The following STAG2 variants were observed in gnomAD, a reference collection of about 807,000 sequenced individuals.
The protein encoded by STAG2 is STAG2 cohesin complex component, also known as cohesin subunit SA-2.
In STAG2, 14 loss-of-function variants were observed where a neutral mutation model predicts 108.1. The observed-to-expected ratio is 0.13, with a 90% CI of 0.09 to 0.20. The LOEUF is 0.20. Ranked by LOEUF, STAG2 falls within the 10% of genes least tolerant of loss-of-function variation. STAG2 has a pLI of 1.00. For synonymous variants in STAG2, 307 were observed against 302.7 expected, an observed-to-expected ratio of 1.01 and a Z score of -0.15; for missense variants, 440 against 940.9, an observed-to-expected ratio of 0.47 and a Z score of 6.96.
At chrX:123,990,807 A>G (rs1039265818) in intron 1 of STAG2, among the ~76,000 whole-genome samples, 2 of 112,011 alleles carry the variant, frequency 1.8e-5, no homozygotes, top group Non-Finnish European at 3.8e-5. Flanking sequence ...TCCATCTCGC[A>G]TAACTCTAAC....
chrX:123,993,897 T>G (rs1226804441), intron 1 of STAG2, among the ~76,000 whole-genome samples: 1 of 111,785 alleles, frequency 8.9e-6, no homozygotes, highest in Non-Finnish European at 1.9e-5. Context: ...TTCCATAATT[T>G]ATTTATTAAA....
At chrX:123,986,843 CA>C (rs1343422287) in intron 1 of STAG2, among the ~76,000 whole-genome samples, 3 of 110,044 alleles carry the variant, frequency 2.7e-5, no homozygotes, top group East Asian at 2.8e-4. Flanking sequence ...TGTTAGTGAA[CA>C]TTTTTTTTTT....
intron 1 of STAG2, among the ~76,000 whole-genome samples, chrX:124,008,001 A>G (rs2056366732): frequency 9.0e-6 from 1 of 111,300 alleles, no homozygotes; most frequent in South Asian, 3.7e-4. Context: ...GACAGGTGAA[A>G]TGCAGTTGAA....
At chrX:124,015,248 A>C (rs1262525002) in intron 1 of STAG2, among the ~76,000 whole-genome samples, 1 of 108,392 alleles carries the variant, frequency 9.2e-6, no homozygotes, top group African/African-American at 3.4e-5. Flanking sequence ...GGCCTCCCAA[A>C]GTGCTGGGAT....
chrX:124,043,711 A>G (rs2057790069), intron 7 of STAG2, among the ~76,000 whole-genome samples: 1 of 111,728 alleles, frequency 9.0e-6, no homozygotes, highest in East Asian at 2.8e-4. Context: ...AAAGGAGTAT[A>G]TAGATACTTT....
chrX:124,089,424 C>T (rs1487644663), intron 30 of STAG2, among the ~76,000 whole-genome samples: 1 of 111,538 alleles, frequency 9.0e-6, no homozygotes, highest in Non-Finnish European at 1.9e-5. Context: ...TAGTCCAATG[C>T]TTAATTAATA....
In STAG2 at chrX:124,051,299, AT is replaced by A. The variant is rs776605182; in HGVS notation, c.1117-9del. The A allele has an allele frequency of 8.5e-7, 1 of 1,178,532 alleles. No individual in the cohort carries two copies. The highest frequency in any genetic ancestry group is 2.5e-5 in the Admixed American group (1 of 40,012). On this transcript the variant is annotated splice_polypyrimidine_tract_variant and intron_variant, in intron 12 of 34. Transcript: ENST00000371145. ...TTGCTTTCCTTTTAAAAATATTTTA[AT>A]TTTTTTGTCCTTAGGATAGAATTGT...
At chrX:124,002,339 C>G (rs149136067) in intron 1 of STAG2, among the ~76,000 whole-genome samples, 2 of 112,004 alleles carry the variant, frequency 1.8e-5, no homozygotes, top group African/African-American at 6.5e-5. Context: ...TAAAATCTTA[C>G]AATAGTAGAT....
rs77366098 is a variant in STAG2 at position 124,071,128 on chromosome X, CT to C, written c.2359-7del. The C allele has an allele frequency of 0.13, 77,991 of 613,554 alleles. No individual in the cohort carries two copies. Among genetic ancestry groups the C allele is most frequent in the East Asian group, 0.14 (2,199 of 15,864 alleles). 50.6% of individuals were successfully genotyped at this position (613,554 alleles called of 1,213,427 possible). On this transcript the variant is annotated intron_variant, in intron 24 of 34. Coordinates refer to ENST00000371145, the MANE Select transcript of STAG2 (RefSeq NM_001042750.2). ...ACCTTGGATTATAGCATGCTTTCCT[CT>C]TTTTTTTTTTTTTAAATAGGCCTTC... is the stretch of plus-strand genomic sequence containing the variant.
At chrX:123,980,645 T>C (rs772539476) in intron 1 of STAG2, among the ~76,000 whole-genome samples, 1 of 111,404 alleles carries the variant, frequency 9.0e-6, no homozygotes, top group South Asian at 3.7e-4. Flanking sequence ...AAATAATAGG[T>C]TTAAGCTGGG....
chrX:124,066,475 A>G, intron 23 of STAG2, 39 bp downstream of exon 23: 3 of 995,966 alleles, frequency 3.0e-6, no homozygotes, highest in Non-Finnish European at 4.2e-6. Flanking sequence ...TAGACTAAAT[A>G]TCATTAACTG....
chrX:124,051,273 CT>C, intron 12 of STAG2, 41 bp from the exon 13 acceptor site: 1 of 1,168,838 alleles, frequency 8.6e-7, no homozygotes, highest in Non-Finnish European at 1.2e-6. Context: ...ACACTTTTCT[CT>C]TGCTTTCCTT....
chrX:124,086,132 G>C (rs1047236513), intron 29 of STAG2, among the ~76,000 whole-genome samples: 2 of 74,713 alleles, frequency 2.7e-5, no homozygotes, highest in Non-Finnish European at 5.2e-5. Context: ...TCATAGAATT[G>C]TAAGAATAGT....
chrX:124,094,230 T>TA, intron 33 of STAG2, 86 bp downstream of exon 33: 2 of 992,585 alleles, frequency 2.0e-6, no homozygotes, highest in East Asian at 6.2e-5. Flanking sequence ...GAGAAATACT[T>TA]ACCAAGAGAA....
rs778081358 is a variant in STAG2 at position 124,063,952 on chromosome X, A to G, written c.1926A>G (p.Glu642=). The G allele has an allele frequency of 2.2e-5, 27 of 1,207,271 alleles. No individual in the cohort carries two copies. Among genetic ancestry groups the G allele is most frequent in the Middle Eastern group, 2.3e-4 (1 of 4,373 alleles). The change falls in exon 20 of 35, where the codon GAA becomes GAG. Residue 642 remains glutamate (E), a synonymous_variant. Coordinates refer to ENST00000371145, the MANE Select transcript of STAG2 (RefSeq NM_001042750.2). ...CSKTYHALCN[E]EFTIFNRVDI... ...AAACTTACCATGCACTCTGTAATGA[A>G]GAGTTCACAATCTTCAACAGAGTAG... is the stretch of plus-strand genomic sequence containing the variant.
intron 1 of STAG2, among the ~76,000 whole-genome samples, chrX:124,010,590 C>A (rs2056489984): frequency 9.0e-6 from 1 of 111,476 alleles, no homozygotes; most frequent in Admixed American, 9.6e-5. Flanking sequence ...TAGCTTTGTA[C>A]AGTAAGTTCT....
At chrX:124,051,055 A>G in intron 11 of STAG2, 66 bp from the exon 12 acceptor site, 1 of 627,521 alleles carries the variant, frequency 1.6e-6, no homozygotes, top group Non-Finnish European at 2.4e-6. Context: ...TACATCTTGA[A>G]TATTGAAGTT....
chrX:123,972,081 G>A (rs985143031), intron 1 of STAG2, among the ~76,000 whole-genome samples: 23 of 111,377 alleles, frequency 2.1e-4, no homozygotes, highest in African/African-American at 6.5e-4. Flanking sequence ...TTTTGGCACA[G>A]TTGTGGAAAC....
chrX:123,970,723 C>G (rs1192514890), intron 1 of STAG2, among the ~76,000 whole-genome samples: 1 of 111,838 alleles, frequency 8.9e-6, no homozygotes, highest in African/African-American at 3.3e-5. Flanking sequence ...GAGCACTGTT[C>G]ATTATACAGT....
Sources: allele counts gnomAD v4.1 joint callset (sites outside exome capture counted in the v4.1 genomes callset), GRCh38; gene constraint gnomAD v4.1.1; transcripts MANE v1.5; gene names NCBI Gene and HGNC (gene_info 2026-07-23, HGNC 2026-07-21).